The following TUBB8 variants were observed in gnomAD, a reference collection of about 807,000 sequenced individuals.
The protein encoded by TUBB8 is tubulin beta-8 chain.
A neutral mutation model predicts 33.7 loss-of-function variants in TUBB8; 25 were observed. The ratio of observed to expected loss-of-function variants is 0.74; its 90% confidence interval spans 0.54 to 1.04. The LOEUF is 1.04. Ranked by LOEUF, TUBB8 falls within the 50% of genes least tolerant of loss-of-function variation. The pLI is 0.00. For synonymous variants in TUBB8, 245 were observed against 240.1 expected (o/e 1.02, Z -0.19); for missense variants, 279 against 608.0 (o/e 0.46, Z 5.69).
intron 1 of TUBB8, among the ~76,000 whole-genome samples, chr10:73,239 G>A (rs1390993274): frequency 5.9e-5 from 9 of 152,222 alleles, no homozygotes; most frequent in Non-Finnish European, 1.3e-4. Context: ...TTGAGACAAG[G>A]TCTCGCTCTG....
At position 47,498 on chromosome 10, in the gene TUBB8, G is replaced by A. The variant is rs200738404; in HGVS notation, c.894C>T (p.Asn298=). 3.7e-6 allele frequency: 6 copies of A among 1,612,164 alleles called. No individual in the cohort carries two copies. The highest frequency in any genetic ancestry group is 4.5e-5 in the East Asian group (2 of 44,896). The change falls in exon 4 of 4, where the codon AAC becomes AAT. Residue 298 remains asparagine (N), a synonymous_variant. Transcript: ENST00000568584. ...ELTQQMFDAK[N]MMAACDPRHG... is the part of the protein sequence containing the mutation. ...GACGGGGGTCACAGGCAGCCATCAT[G>A]TTCTTAGCATCAAACATCTGCTGGG...
intron 1 of TUBB8, among the ~76,000 whole-genome samples, chr10:64,713 C>A (rs1283181673): frequency 1.3e-5 from 2 of 152,160 alleles, no homozygotes; most frequent in African/African-American, 4.8e-5. Flanking sequence ...ATATGCATAC[C>A]CCTATACATA....
intron 1 of TUBB8, 76 bp from the exon 2 acceptor site, chr10:48,988 C>T (rs1436643787): frequency 4.7e-5 from 60 of 1,271,464 alleles, no homozygotes; most frequent in Admixed American, 2.8e-4. Context: ...CACCCCCACC[C>T]TCATCCGCAC....
intron 1 of TUBB8, among the ~76,000 whole-genome samples, chr10:69,667 G>A (rs1461145272): frequency 3.9e-5 from 6 of 152,280 alleles, no homozygotes; most frequent in African/African-American, 1.4e-4. Flanking sequence ...GCTCATGCTT[G>A]TAATCCCAGC....
chr10:52,304 G>A (rs181605000), upstream of TUBB8, among the ~76,000 whole-genome samples: 3,794 of 152,262 alleles, frequency 0.025, 52 homozygotes, highest in Middle Eastern at 0.071. Flanking sequence ...GTTTTCCTTG[G>A]AGTGGGGGTC....
upstream of TUBB8, among the ~76,000 whole-genome samples, chr10:52,712 T>G (rs1834483921): frequency 1.3e-5 from 2 of 152,256 alleles, no homozygotes; most frequent in Non-Finnish European, 2.9e-5. Flanking sequence ...TCAGGCTTGG[T>G]GGAAGATGTC....
At chr10:52,060 G>C (rs2131816840), upstream of TUBB8, among the ~76,000 whole-genome samples, 1 of 152,316 alleles carries the variant, frequency 6.6e-6, no homozygotes, top group South Asian at 2.1e-4. Context: ...CAAACATCTT[G>C]TTTAGCCAAA....
Position 47,207 on chromosome 10 carries a change from G to C in TUBB8, c.1185C>G (p.Leu395=), listed in dbSNP as rs1834349466. The C allele has an allele frequency of 6.2e-7, 1 of 1,612,842 alleles. No homozygotes were observed. The highest frequency in any genetic ancestry group is 1.1e-5 in the South Asian group (1 of 91,010). Residue 395 remains leucine (L), a synonymous_variant, in exon 4 of 4, where the codon CTC becomes CTG. Coordinates refer to ENST00000568584, the MANE Select transcript of TUBB8 (RefSeq NM_177987.3). The part of the protein sequence containing the change: ...FTAMFRRKAF[L]HWYTGEGMDE... ...CCATGCCCTCGCCCGTGTACCAGTG[G>C]AGGAAGGCCTTGCGCCTGAACATTG...
At chr10:54,464 C>T (rs1321090671) in intron 1 of TUBB8, among the ~76,000 whole-genome samples, 22 of 151,382 alleles carry the variant, frequency 1.5e-4, no homozygotes, top group Non-Finnish European at 2.5e-4. Context: ...AGGTTTCTTC[C>T]AAATCTTGGC....
intron 1 of TUBB8, among the ~76,000 whole-genome samples, chr10:64,170 C>A (rs1834637250): frequency 6.6e-6 from 1 of 152,132 alleles, no homozygotes; most frequent in South Asian, 2.1e-4. Context: ...GAGGCCACCA[C>A]CACTGAGACT....
downstream of TUBB8, among the ~76,000 whole-genome samples, chr10:46,670 A>G (rs1428060244): frequency 5.3e-5 from 8 of 151,856 alleles, no homozygotes; most frequent in Non-Finnish European, 1.0e-4. Flanking sequence ...CTTCAGCAAC[A>G]GGTTTTCCAC....
chr10:71,687 G>A (rs1834738197), intron 1 of TUBB8, among the ~76,000 whole-genome samples: 1 of 151,988 alleles, frequency 6.6e-6, no homozygotes, highest in African/African-American at 2.4e-5. Flanking sequence ...AGCACTTTGG[G>A]AGGCTGACAT....
In TUBB8 at chr10:48,924, G is replaced by A. The variant is rs781926447; in HGVS notation, c.58-12C>T. 23 of 1,473,978 alleles carry A rather than the reference G, an allele frequency of 1.6e-5. No homozygotes were observed. Among genetic ancestry groups the A allele is most frequent in the Admixed American group, 2.0e-5 (1 of 50,982 alleles). 91.3% of individuals were successfully genotyped at this position (1,473,978 alleles called of 1,614,324 possible). On this transcript the variant is annotated splice_polypyrimidine_tract_variant and intron_variant, in intron 1 of 3. Transcript: ENST00000568584. Reference sequence around the variant, plus strand: ...ATCACCTCCCAGAACTGCAAGAGACGGGAGGAGACAGACAGGCCGGGGCTG... The same window carrying A: ...ATCACCTCCCAGAACTGCAAGAGACAGGAGGAGACAGACAGGCCGGGGCTG...
At chr10:73,352 G>T (rs1834762475) in intron 1 of TUBB8, among the ~76,000 whole-genome samples, 1 of 152,158 alleles carries the variant, frequency 6.6e-6, no homozygotes, top group Non-Finnish European at 1.5e-5. Context: ...TGAAAACACG[G>T]AGCACTGACC....
At chr10:68,175 A>G (rs1295581760) in intron 1 of TUBB8, among the ~76,000 whole-genome samples, 1 of 152,220 alleles carries the variant, frequency 6.6e-6, no homozygotes, top group African/African-American at 2.4e-5. Context: ...ATCACGGCAT[A>G]TCGTAATACT....
Position 68,119 on chromosome 10 carries a change from T to A in TUBB8, c.-846+5850A>T, listed in dbSNP as rs534448942. 6.6e-5 allele frequency among the ~76,000 whole-genome samples: 10 copies of A among 152,344 alleles called. No individual in the cohort carries two copies. In the South Asian group the frequency reaches 2.1e-3, roughly 32 times the overall value. On this transcript the variant is annotated intron_variant, in intron 1 of 3. Transcript: ENST00000564130. ...GCTGTTAAAGCACTATGTGTGGGTA[T>A]GTCTGTGAAGGTGTTTTCAGAAGAG...
chr10:52,402 C>G (rs1477741686), upstream of TUBB8, among the ~76,000 whole-genome samples: 3 of 152,186 alleles, frequency 2.0e-5, no homozygotes, highest in Non-Finnish European at 4.4e-5. Flanking sequence ...ATTCTTAGAT[C>G]TTGTGCAGTA....
intron 1 of TUBB8, among the ~76,000 whole-genome samples, chr10:56,171 G>GT (rs1428345966): frequency 7.3e-6 from 1 of 137,130 alleles, no homozygotes; most frequent in Non-Finnish European, 1.6e-5. Flanking sequence ...AGTGTTTTAC[G>GT]TTTTTAATTG....
chr10:48,510 C>T (rs1834402919), intron 3 of TUBB8, 105 bp downstream of exon 3: 1 of 1,128,198 alleles, frequency 8.9e-7, no homozygotes, highest in Non-Finnish European at 1.3e-6. Context: ...GGAGGGTGTT[C>T]AGGGGCCCTA....
Sources: allele counts gnomAD v4.1 joint callset (sites outside exome capture counted in the v4.1 genomes callset), GRCh38; gene constraint gnomAD v4.1.1; transcripts MANE v1.5; gene names NCBI Gene and HGNC (gene_info 2026-07-23, HGNC 2026-07-21).